Variants in ASIC2 observed in about 807,000 individuals in gnomAD.
ASIC2 encodes acid-sensing ion channel 2.
A neutral mutation model predicts 57.3 loss-of-function variants in ASIC2; 25 were observed. The ratio of observed to expected loss-of-function variants is 0.44; its 90% CI spans 0.32 to 0.61. ASIC2 has a LOEUF of 0.61. ASIC2 is among the 20% of genes least tolerant of loss of function. ASIC2 has a pLI of 0.06. For missense variants in ASIC2, 641 were observed against 738.1 expected (o/e 0.87, Z 1.52); for synonymous variants, 319 against 307.5 (o/e 1.04, Z -0.39).
chr17:34,038,083 G>C lies in ASIC2; in HGVS notation c.555+117895C>G. 3.7e-6 allele frequency: 6 copies of C among 1,613,274 alleles called. No individual in the cohort carries two copies. In the South Asian group the frequency reaches 6.6e-5, roughly 18 times the overall value. On this transcript the variant is annotated intron_variant, in intron 1 of 9. Transcript: ENST00000359872. ...CTGAATTGTAGCTATCATCATCCAT[G>C]ATCTTCGAAAGACCAAAATCTGTAA...
intron 1 of ASIC2, chr17:34,002,178 A>G (rs1242859837): frequency 2.0e-5 from 3 of 152,246 alleles, no homozygotes; most frequent in Non-Finnish European, 4.4e-5. Context: ...GTTTTGTGAT[A>G]GGACTCTACA....
chr17:33,262,600 T>C (rs1439647830), intron 1 of ASIC2, among the ~76,000 whole-genome samples: 3 of 152,188 alleles, frequency 2.0e-5, no homozygotes, highest in East Asian at 1.9e-4. Context: ...AACTTACCTA[T>C]CAAAATATCC....
chr17:33,566,949 C>A (rs567602635), intron 1 of ASIC2, among the ~76,000 whole-genome samples: 1 of 152,286 alleles, frequency 6.6e-6, no homozygotes, highest in East Asian at 1.9e-4. Flanking sequence ...AATGCCCTTG[C>A]TCTTTTTCCC....
intron 1 of ASIC2, among the ~76,000 whole-genome samples, chr17:33,688,435 A>G (rs1908263381): frequency 6.6e-6 from 1 of 152,176 alleles, no homozygotes; most frequent in Non-Finnish European, 1.5e-5. Context: ...ATGTTAACTT[A>G]ACAGTATTAG....
intron 3 of ASIC2, among the ~76,000 whole-genome samples, chr17:33,066,225 G>A (rs2092042879): frequency 6.6e-6 from 1 of 152,188 alleles, no homozygotes; most frequent in Non-Finnish European, 1.5e-5. Context: ...TGGTAGTGAG[G>A]GCTGAGAGAG....
intron 1 of ASIC2, among the ~76,000 whole-genome samples, chr17:33,128,608 G>C (rs979846415): frequency 2.6e-5 from 4 of 152,210 alleles, no homozygotes; most frequent in Admixed American, 2.6e-4. Context: ...TTTGGAGTGG[G>C]GGTGGCCCTT....
At position 33,958,331 on chromosome 17, in the gene ASIC2, G is replaced by T. The variant is rs114170669; in HGVS notation, c.555+197647C>A. 4.0e-3 allele frequency among the ~76,000 whole-genome samples: 608 copies of T among 152,306 alleles called. 8 individuals are homozygous for T. Among genetic ancestry groups the T allele is most frequent in the African/African-American group, 0.014 (584 of 41,566 alleles). On this transcript the variant is annotated intron_variant, in intron 1 of 9. Transcript: ENST00000359872. ...AGTGCCCCATTGGAAACTTTGTGTG[G>T]GGGGTCTAACCTCACACTTCCCTTC...
At chr17:33,402,134 G>T (rs1910307111) in intron 1 of ASIC2, among the ~76,000 whole-genome samples, 1 of 152,196 alleles carries the variant, frequency 6.6e-6, no homozygotes, top group Non-Finnish European at 1.5e-5. Flanking sequence ...TGGGAAAGCT[G>T]CTGGTAGGCT....
chr17:33,810,471 C>G (rs1912386862), intron 1 of ASIC2, among the ~76,000 whole-genome samples: 1 of 152,082 alleles, frequency 6.6e-6, no homozygotes, highest in Non-Finnish European at 1.5e-5. Context: ...GTAATGATTC[C>G]CATACAGAGC....
At chr17:33,747,641 C>A (rs1910308519) in intron 1 of ASIC2, among the ~76,000 whole-genome samples, 1 of 152,146 alleles carries the variant, frequency 6.6e-6, no homozygotes, top group African/African-American at 2.4e-5. Flanking sequence ...CAGGTCATGC[C>A]ACCTCTCCCT....
intron 1 of ASIC2, among the ~76,000 whole-genome samples, chr17:33,676,311 A>T (rs1408590583): frequency 1.3e-5 from 2 of 152,242 alleles, no homozygotes; most frequent in East Asian, 3.8e-4. Context: ...TCTCACTTTA[A>T]ATCAAAAGCT....
rs115485990 is a variant in ASIC2, at chr17:33,768,610, C to G, written c.555+387368G>C. On this transcript the variant is annotated intron_variant, in intron 1 of 9. Transcript: ENST00000359872. ...AATCCTAGGCAGACAGGGGCAGGTC[C>G]CCAGTGAAACCCCACCTTCAGGCCA... 9.3e-3 allele frequency among the ~76,000 whole-genome samples: 1,414 copies of G among 152,246 alleles called. 21 individuals are homozygous for G. Among genetic ancestry groups the G allele is most frequent in the African/African-American group, 0.032 (1,348 of 41,540 alleles).
intron 1 of ASIC2, chr17:34,051,666 T>C (rs983435719): frequency 1.3e-5 from 2 of 152,200 alleles, no homozygotes; most frequent in Non-Finnish European, 2.9e-5. Flanking sequence ...CAGTGCATTC[T>C]TGTTAGATTA....
At chr17:33,905,245 C>A (rs747614671) in intron 1 of ASIC2, among the ~76,000 whole-genome samples, 2 of 141,094 alleles carry the variant, frequency 1.4e-5, no homozygotes, top group Non-Finnish European at 3.0e-5. Flanking sequence ...AGTGGCAGAA[C>A]TGGAATTAGA....
At chr17:33,592,161 T>C (rs998156838) in intron 1 of ASIC2, among the ~76,000 whole-genome samples, 1 of 152,222 alleles carries the variant, frequency 6.6e-6, no homozygotes, top group Admixed American at 6.5e-5. Flanking sequence ...CCCCTCCTCA[T>C]GGAACTTCCA....
intron 1 of ASIC2, among the ~76,000 whole-genome samples, chr17:34,127,800 G>C (rs1911832736): frequency 6.6e-6 from 1 of 152,142 alleles, no homozygotes; most frequent in African/African-American, 2.4e-5. Context: ...AAAAGAATAT[G>C]ATAAAAGAGG....
rs1305854518 is a variant in ASIC2 at position 34,029,999 on chromosome 17, AAC to A, written c.555+125977_555+125978del. Among the ~76,000 whole-genome samples the A allele has an allele frequency of 5.3e-5, 8 of 152,292 alleles. No homozygotes were observed. The East Asian group carries it at 1.5e-3, about 29-fold the overall frequency. On this transcript the variant is annotated intron_variant, in intron 1 of 9. Transcript: ENST00000359872. Reference sequence around the variant, plus strand: ...TGCCCTGATTCCACTGAACCAGGCTAACACAGAGCATGGTCAACCTCCAAAGC... The same window carrying A: ...TGCCCTGATTCCACTGAACCAGGCTAACAGAGCATGGTCAACCTCCAAAGC...
At chr17:33,278,489 G>GAA (rs10566355) in intron 1 of ASIC2, among the ~76,000 whole-genome samples, 3 of 144,486 alleles carry the variant, frequency 2.1e-5, no homozygotes, top group African/African-American at 2.5e-5. Flanking sequence ...CCCTGTATCA[G>GAA]AAAAAAAAAA....
chr17:33,019,914 G>A lies in ASIC2; in HGVS notation c.1441+1305C>T, dbSNP rs1567718347. Among the ~76,000 whole-genome samples the A allele has an allele frequency of 2.0e-5, 3 of 152,234 alleles. 1 individual carries two copies. In the South Asian group the frequency reaches 6.2e-4, roughly 32 times the overall value. ...GAGAAAGACTGTGAGCCTATGCTGG[G>A]GGAGGGCAGGGGGTAGGAAGAGGCC... is the stretch of plus-strand genomic sequence containing the variant. On this transcript the variant is annotated intron_variant, in intron 7 of 9. Transcript: ENST00000225823.
Sources: allele counts gnomAD v4.1 joint callset (sites outside exome capture counted in the v4.1 genomes callset), GRCh38; gene constraint gnomAD v4.1.1; transcripts MANE v1.5; gene names NCBI Gene and HGNC (gene_info 2026-07-23, HGNC 2026-07-21).